Variants in RFX1 observed in about 807,000 individuals in gnomAD.
RFX1 encodes MHC class II regulatory factor RFX1.
RFX1 carries 42 observed loss-of-function variants against 119.6 expected under a neutral mutation model. The ratio of observed to expected loss-of-function variants is 0.35; its 90% CI spans 0.27 to 0.45. The LOEUF (loss-of-function observed/expected upper bound fraction) is 0.45. Ranked by LOEUF, RFX1 falls within the 20% of genes least tolerant of loss-of-function variation. The pLI is 1.00. For missense variants in RFX1, 1,118 were observed against 1,368.1 expected (o/e 0.82, Z 2.88); for synonymous variants, 628 against 618.5 (o/e 1.02, Z -0.23).
At chr19:13,967,242 G>A (rs142115724) in intron 12 of RFX1, among the ~76,000 whole-genome samples, 108 of 152,310 alleles carry the variant, frequency 7.1e-4, no homozygotes, top group African/African-American at 2.5e-3. Flanking sequence ...GAGCTCCCAC[G>A]TGCTCAGGAT....
Position 13,993,622 on chromosome 19 carries a change from G to A in RFX1, c.222C>T (p.Tyr74=), listed in dbSNP as rs749400432. 1.9e-5 allele frequency: 30 copies of A among 1,609,830 alleles called. No individual in the cohort carries two copies. The highest frequency in any genetic ancestry group is 8.4e-5 in the Admixed American group (5 of 59,574). Residue 74 remains tyrosine, a synonymous_variant, in exon 2 of 21, where the codon TAC becomes TAT. Coordinates refer to ENST00000254325, the MANE Select transcript of RFX1 (RefSeq NM_002918.5). ...CGGGTACAGCCGGGAGCTCCGTCACGTACTGCTTCTGGCCACCCGGTGGCT... is the reference window on the plus strand; with the variant it reads ...CGGGTACAGCCGGGAGCTCCGTCACATACTGCTTCTGGCCACCCGGTGGCT... ...QAQPPGGQKQ[Y]VTELPAVPAP...
rs757110042 is a variant in RFX1, at chr19:13,968,879, G to A, written c.1512C>T (p.Tyr504=). Residue 504 remains tyrosine, a synonymous_variant, in exon 11 of 21, where the codon TAC becomes TAT. Transcript: ENST00000254325. This position sits in a 1 kb window ranked among gnomAD's most constrained non-coding sequence, Gnocchi z 5.5. ...CCTTGATGCGCAGGCCATAGTAGTG[G>A]TACTTGGAGTTGCCCCTGGGAGGGA... ...RRLGTRGNSK[Y]HYYGLRIKAS... is the part of the protein sequence containing the mutation. 1.8e-5 allele frequency: 28 copies of A among 1,550,304 alleles called. No individual in the cohort carries two copies. The highest frequency in any genetic ancestry group is 5.9e-5 in the Admixed American group (3 of 51,010).
Position 13,994,288 on chromosome 19 carries a change from C to T in RFX1, c.-52-393G>A, listed in dbSNP as rs183253662. Among the ~76,000 whole-genome samples, 17 of 152,320 alleles carry T rather than the reference C, an allele frequency of 1.1e-4. No individual in the cohort carries two copies. In the East Asian group the frequency reaches 3.1e-3, roughly 28 times the overall value. The stretch of plus-strand genomic sequence containing the variant: ...AAATGGTACGGTTCTCACTGGGTCA[C>T]TCTCAACTACCAGGGGCTGCCCCCT... On this transcript the variant is annotated intron_variant, in intron 1 of 20. Coordinates refer to ENST00000254325, the MANE Select transcript of RFX1 (RefSeq NM_002918.5).
intron 2 of RFX1, among the ~76,000 whole-genome samples, chr19:13,984,367 G>C (rs1296771729): frequency 1.3e-5 from 2 of 152,120 alleles, no homozygotes; most frequent in Non-Finnish European, 2.9e-5. Flanking sequence ...TGGATGCAGA[G>C]AGCCTGCCTG....
In RFX1 at chr19:13,969,216, G is replaced by C. The variant is rs1973998946; in HGVS notation, c.1497-322C>G. 6.6e-6 allele frequency among the ~76,000 whole-genome samples: 1 copy of C among 152,122 alleles called. No individual in the cohort carries two copies. The highest frequency in any genetic ancestry group is 1.5e-5 in the Non-Finnish European group (1 of 68,016). ...TGCAAAGGAGAGGAAGAGAGGGGCG[G>C]GTTCTTGGGATGCCTTCTTGTTCCT... is the stretch of plus-strand genomic sequence containing the variant. On this transcript the variant is annotated intron_variant, in intron 10 of 20. Transcript: ENST00000254325. This position sits in a 1 kb window ranked among gnomAD's most constrained non-coding sequence, Gnocchi z 4.5.
chr19:13,993,420 C>T, intron 2 of RFX1, 105 bp downstream of exon 2: 1 of 1,167,026 alleles, frequency 8.6e-7, no homozygotes, highest in African/African-American at 1.6e-5. Context: ...AAGTCCCATC[C>T]AGAAACCTTG....
In RFX1 at chr19:13,993,644, G is replaced by A. The variant is rs201004105; in HGVS notation, c.200C>T (p.Pro67Leu). The A allele has an allele frequency of 6.2e-7, 1 of 1,605,510 alleles. No homozygotes were observed. The highest frequency in any genetic ancestry group is 1.3e-5 in the African/African-American group (1 of 74,770). The change falls in exon 2 of 21, where the codon CCA becomes CTA. Residue 67 changes from proline to leucine, a missense_variant. This residue lies in a region of RFX1 where 542 missense variants were observed against 602.7 expected (regional missense o/e 0.90). Coordinates refer to ENST00000254325, the MANE Select transcript of RFX1 (RefSeq NM_002918.5). Reference sequence around the variant, plus strand: ...CACGTACTGCTTCTGGCCACCCGGTGGCTGTGCCTGGGGCTGGGGGCTCTG... The same window carrying A: ...CACGTACTGCTTCTGGCCACCCGGTAGCTGTGCCTGGGGCTGGGGGCTCTG... ...ELQSPQPQAQPPGGQKQYVTE... is the reference protein window; with the variant it reads ...ELQSPQPQAQLPGGQKQYVTE...
At chr19:13,971,523 A>G (rs1365525644) in intron 9 of RFX1, among the ~76,000 whole-genome samples, 1 of 152,100 alleles carries the variant, frequency 6.6e-6, no homozygotes, top group African/African-American at 2.4e-5. Context: ...GGGAGGTTCC[A>G]GCACCCGCCT....
chr19:13,994,760 T>TA (rs1491349675), intron 1 of RFX1, among the ~76,000 whole-genome samples: 1 of 148,158 alleles, frequency 6.7e-6, no homozygotes, highest in African/African-American at 2.5e-5. Flanking sequence ...TGTGTGTGTA[T>TA]TTTTTTACTT....
rs955208455 is a variant in RFX1 at position 14,006,302 on chromosome 19, T to G, written c.-252A>C. On this transcript the variant is annotated 5_prime_UTR_variant, in exon 1 of 21. Coordinates refer to ENST00000254325, the MANE Select transcript of RFX1 (RefSeq NM_002918.5). ...ACTACCGTGGCTATGGCGCCTCCGTTTCCCTCACCGGGGCAACTGTTGCTA... is the reference window on the plus strand; with the variant it reads ...ACTACCGTGGCTATGGCGCCTCCGTGTCCCTCACCGGGGCAACTGTTGCTA... 2.0e-5 allele frequency: 3 copies of G among 151,636 alleles called. No homozygotes were observed. Among genetic ancestry groups the G allele is most frequent in the Admixed American group, 6.6e-5 (1 of 15,230 alleles). The allele number at this position is 151,636 out of a possible 1,614,324, so 9.4% of individuals were successfully genotyped here. A position where few individuals can be genotyped will look rare whatever the true frequency, so the allele number is the denominator to read the frequency against.
chr19:13,978,193 G>A (rs189175699), intron 7 of RFX1, 107 bp from the exon 8 acceptor site: 17 of 751,412 alleles, frequency 2.3e-5, no homozygotes, highest in Middle Eastern at 3.2e-4. Flanking sequence ...CCCAGCTCCC[G>A]GACCCAAGGG....
chr19:13,970,301 A>C, intron 9 of RFX1, 126 bp from the exon 10 acceptor site: 1 of 716,988 alleles, frequency 1.4e-6, no homozygotes. Flanking sequence ...ATAAGTTAGC[A>C]CATCCTACTG....
Position 13,962,845 on chromosome 19 carries a change from C to A in RFX1, c.2790G>T (p.Glu930Asp). ...GCGGCAGCTCGTCCTCGCTCTCCTC[C>A]TCCTCTTCTTCCTCCTCGTCTGGAA... ...DPDKDEEEEE[E>D]EESEDELPQD... The change falls in exon 21 of 21, where the codon GAG becomes GAT. Residue 930 changes from glutamate (E) to aspartate (D), a missense_variant. This residue lies in a region of RFX1 where 138 missense variants were observed against 117.8 expected (regional missense o/e 1.17). Transcript: ENST00000254325. 1 of 1,528,566 alleles carries A rather than the reference C, an allele frequency of 6.5e-7. No individual in the cohort carries two copies. 94.7% of individuals were successfully genotyped at this position (1,528,566 alleles called of 1,614,324 possible).
chr19:14,003,513 C>T (rs142672901), intron 1 of RFX1, among the ~76,000 whole-genome samples: 13 of 152,202 alleles, frequency 8.5e-5, no homozygotes, highest in African/African-American at 2.6e-4. Context: ...GGTGTATTTC[C>T]GAGGGTTGAA....
At position 13,982,298 on chromosome 19, in the gene RFX1, G is replaced by A. The variant is rs28372328; in HGVS notation, c.514-70C>T. The A allele has an allele frequency of 3.8e-3, 3,054 of 813,198 alleles. 68 individuals are homozygous for A. In the African/African-American group the frequency reaches 0.056, roughly 15 times the overall value. The allele number at this position is 813,198 out of a possible 1,614,324, so 50.4% of individuals were successfully genotyped here. ...CCGTGCAGTTGCACCGAGCATCTGC[G>A]CAGTGCCAGGTGACATTCTAAGTGC... On this transcript the variant is annotated intron_variant, in intron 4 of 20. Coordinates refer to ENST00000254325, the MANE Select transcript of RFX1 (RefSeq NM_002918.5).
intron 2 of RFX1, among the ~76,000 whole-genome samples, chr19:13,993,132 A>G (rs1050065728): frequency 9.9e-5 from 15 of 152,040 alleles, no homozygotes; most frequent in Non-Finnish European, 1.0e-4. Flanking sequence ...CATAGCTACA[A>G]AAAATTTTAA....
intron 12 of RFX1, among the ~76,000 whole-genome samples, chr19:13,967,485 T>A (rs141171225): frequency 2.8e-5 from 4 of 141,474 alleles, no homozygotes; most frequent in African/African-American, 8.0e-5. Context: ...CCTTTTTTAT[T>A]TTCCTGAGAC....
chr19:13,978,876 C>G (rs1974340326), intron 7 of RFX1, among the ~76,000 whole-genome samples: 1 of 152,072 alleles, frequency 6.6e-6, no homozygotes, highest in South Asian at 2.1e-4. Context: ...TCTGCTGCGG[C>G]AGGAGCAGGT....
At chr19:13,999,666 G>GTT (rs138026883) in intron 1 of RFX1, among the ~76,000 whole-genome samples, 3 of 147,818 alleles carry the variant, frequency 2.0e-5, no homozygotes, top group African/African-American at 7.5e-5. Context: ...TGAACCCTGT[G>GTT]TTTTTTTTTT....
Sources: gnomAD v4.1 joint callset for allele counts (sites outside exome capture counted in the v4.1 genomes callset) on GRCh38, gnomAD v4.1.1 for gene constraint, gnomAD v4.1.1 regional missense constraint, Gnocchi (gnomAD v3.1) non-coding constraint, MANE v1.5 for transcripts, NCBI Gene and HGNC (gene_info 2026-07-23, HGNC 2026-07-21) for gene names.